Variants in GNB5 observed in about 807,000 individuals in gnomAD.
GNB5 encodes the protein guanine nucleotide-binding protein subunit beta-5.
A neutral mutation model predicts 55.3 loss-of-function variants in GNB5; 37 were observed. The observed-to-expected ratio is 0.67, with a 90% CI of 0.51 to 0.88. The LOEUF is 0.88. GNB5 is among the 40% of genes least tolerant of loss of function. GNB5 has a pLI of 0.00. For synonymous variants in GNB5, 219 were observed against 198.5 expected (o/e 1.10, Z -0.87); for missense variants, 476 against 515.3 (o/e 0.92, Z 0.74).
At chr15:52,158,762 A>G (rs887295873) in intron 3 of GNB5, among the ~76,000 whole-genome samples, 2 of 151,944 alleles carry the variant, frequency 1.3e-5, no homozygotes, top group Admixed American at 1.3e-4. Flanking sequence ...CCATTCAGAT[A>G]CAGCTCAAAC....
intron 3 of GNB5, among the ~76,000 whole-genome samples, chr15:52,174,319 A>C (rs1215880085): frequency 1.3e-5 from 2 of 152,248 alleles, no homozygotes; most frequent in Non-Finnish European, 2.9e-5. Flanking sequence ...GTACAGTAGC[A>C]ATCAGAAATG....
At position 52,138,090 on chromosome 15, in the gene GNB5, T is replaced by C. The variant is rs559430661; in HGVS notation, c.628-2334A>G. On this transcript the variant is annotated intron_variant, in intron 7 of 12. Coordinates refer to ENST00000261837, the MANE Select transcript of GNB5 (RefSeq NM_016194.4). ...CTTTCCCTTTTTCTTCCCCTCTCTCTTATATGTTAGGCCTTGAACATAAAG... is the reference window on the plus strand; with the variant it reads ...CTTTCCCTTTTTCTTCCCCTCTCTCCTATATGTTAGGCCTTGAACATAAAG... 8.5e-4 allele frequency: 485 copies of C among 573,708 alleles called. 2 individuals are homozygous for C. The highest frequency in any genetic ancestry group is 6.6e-3 in the Middle Eastern group (11 of 1,678). The allele number at this position is 573,708 out of a possible 1,614,324, so 35.5% of individuals were successfully genotyped here. A position where few individuals can be genotyped will look rare whatever the true frequency, so the allele number is the denominator to read the frequency against.
intron 10 of GNB5, among the ~76,000 whole-genome samples, chr15:52,127,092 T>G (rs1020046483): frequency 6.6e-6 from 1 of 152,142 alleles, no homozygotes; most frequent in Non-Finnish European, 1.5e-5. Context: ...CCACCGTGCC[T>G]GGCCAAGTAG....
At chr15:52,164,354 C>G (rs1025707795) in intron 3 of GNB5, among the ~76,000 whole-genome samples, 1 of 136,894 alleles carries the variant, frequency 7.3e-6, no homozygotes, top group African/African-American at 2.7e-5. Flanking sequence ...TGTGGTGGCT[C>G]AAGCCTGTAA....
intron 6 of GNB5, among the ~76,000 whole-genome samples, chr15:52,146,120 C>A (rs755226305): frequency 6.6e-6 from 1 of 151,930 alleles, no homozygotes; most frequent in East Asian, 1.9e-4. Context: ...CCGTGCCCGG[C>A]TAATTTTTTT....
chr15:52,171,107 A>AG (rs1370624943), intron 3 of GNB5, among the ~76,000 whole-genome samples: 4 of 149,918 alleles, frequency 2.7e-5, no homozygotes, highest in African/African-American at 1.0e-4. Context: ...AAAAAAAAAA[A>AG]AAAAAAAAAT....
At chr15:52,144,571 G>GT (rs1219511497) in intron 6 of GNB5, 1 of 152,248 alleles carries the variant, frequency 6.6e-6, no homozygotes, top group Admixed American at 6.5e-5. Context: ...GTCCTGCCTG[G>GT]TAAGAGTGGC....
At chr15:52,141,671 T>C (rs1566937671) in intron 6 of GNB5, among the ~76,000 whole-genome samples, 1 of 152,198 alleles carries the variant, frequency 6.6e-6, no homozygotes, top group East Asian at 1.9e-4. Context: ...AGACTTAACA[T>C]TTTGTCATAT....
At chr15:52,142,014 T>C (rs1197555412) in intron 6 of GNB5, among the ~76,000 whole-genome samples, 5 of 152,272 alleles carry the variant, frequency 3.3e-5, no homozygotes, top group Non-Finnish European at 4.4e-5. Context: ...TTAGATTGGC[T>C]GTTTATAGAA....
intron 9 of GNB5, chr15:52,128,500 C>T (rs1004238022): frequency 3.9e-5 from 24 of 621,506 alleles, no homozygotes; most frequent in Non-Finnish European, 5.6e-5. Flanking sequence ...CAGAGTAGAC[C>T]CCCTATAAAT....
chr15:52,178,909 C>T (rs986059161), intron 3 of GNB5, among the ~76,000 whole-genome samples: 1 of 152,220 alleles, frequency 6.6e-6, no homozygotes, highest in African/African-American at 2.4e-5. Context: ...GGGGAGATGC[C>T]ACCCTCAGAG....
At chr15:52,148,966 A>C (rs1466915604) in intron 5 of GNB5, among the ~76,000 whole-genome samples, 1 of 152,258 alleles carries the variant, frequency 6.6e-6, no homozygotes, top group African/African-American at 2.4e-5. Flanking sequence ...AAACAGAAGC[A>C]ACTACACCCC....
intron 3 of GNB5, among the ~76,000 whole-genome samples, chr15:52,158,737 G>A (rs139160613): frequency 1.2e-3 from 188 of 150,878 alleles, no homozygotes; most frequent in Non-Finnish European, 1.7e-3. Context: ...TCTTTACCAC[G>A]CACAAACCCT....
At chr15:52,182,663 A>G (rs897394242) in intron 2 of GNB5, among the ~76,000 whole-genome samples, 2 of 152,186 alleles carry the variant, frequency 1.3e-5, no homozygotes, top group African/African-American at 4.8e-5. Context: ...AAAGGGCCCA[A>G]TGGGGACTGT....
rs1016061635 is a variant in GNB5 at position 52,121,849 on chromosome 15, C to G, written c.*908G>C. 2 of 152,120 alleles carry G rather than the reference C, an allele frequency of 1.3e-5. No individual in the cohort carries two copies. Among genetic ancestry groups the G allele is most frequent in the Non-Finnish European group, 2.9e-5 (2 of 68,042 alleles). The allele number at this position is 152,120 out of a possible 1,614,324, so 9.4% of individuals were successfully genotyped here. ...CCTCGTGATCCGCCCGCCTCGGCCT[C>G]CCAAAGTGCTGGGATTACAAGCGTG... On this transcript the variant is annotated 3_prime_UTR_variant, in exon 13 of 13. Transcript: ENST00000261837.
chr15:52,185,755 T>TATC, intron 1 of GNB5, among the ~76,000 whole-genome samples: 1 of 95,964 alleles, frequency 1.0e-5, no homozygotes, highest in East Asian at 3.3e-4. Context: ...TTCATCTTTT[T>TATC]ATTATTATTA....
At chr15:52,137,859 C>T in intron 7 of GNB5, 1 of 1,286,836 alleles carries the variant, frequency 7.8e-7, no homozygotes, top group Non-Finnish European at 1.0e-6. Flanking sequence ...TCCACAGGGC[C>T]TGGGTGAGGT....
At chr15:52,161,347 G>A (rs1163539197) in intron 3 of GNB5, among the ~76,000 whole-genome samples, 1 of 152,186 alleles carries the variant, frequency 6.6e-6, no homozygotes, top group African/African-American at 2.4e-5. Flanking sequence ...GCCCAGGCTG[G>A]AGTGCAGTGG....
intron 7 of GNB5, among the ~76,000 whole-genome samples, chr15:52,136,778 C>T (rs2033735351): frequency 2.6e-5 from 4 of 152,154 alleles, no homozygotes; most frequent in Admixed American, 2.6e-4. Context: ...TTCTGTTCTC[C>T]CAGAACTCAG....
Sources: allele counts gnomAD v4.1 joint callset (sites outside exome capture counted in the v4.1 genomes callset), GRCh38; gene constraint gnomAD v4.1.1; transcripts MANE v1.5; gene names NCBI Gene and HGNC (gene_info 2026-07-23, HGNC 2026-07-21).